MAOA: variants seen among roughly 807,000 people sequenced by gnomAD.
MAOA encodes the protein amine oxidase [flavin-containing] A.
MAOA carries 6 observed loss-of-function variants against 42.0 expected under a neutral mutation model. The ratio of observed to expected loss-of-function variants is 0.14; its 90% CI spans 0.08 to 0.28. The LOEUF (loss-of-function observed/expected upper bound fraction) is 0.28, where lower values mean the gene tolerates loss of function less well. MAOA is among the 10% of genes least tolerant of loss of function. MAOA has a pLI of 1.00. For missense variants in MAOA, 262 were observed against 422.3 expected, an observed-to-expected ratio of 0.62 and a Z score of 3.33; for synonymous variants, 140 against 154.0, an observed-to-expected ratio of 0.91 and a Z score of 0.67.
chrX:43,679,621 C>T (rs928507604), intron 1 of MAOA, among the ~76,000 whole-genome samples: 3 of 111,086 alleles, frequency 2.7e-5, no homozygotes, highest in Non-Finnish European at 5.7e-5. Context: ...CGCTCCATCC[C>T]CTTAGGCAGT....
chrX:43,723,249 G>T (rs977157440), intron 5 of MAOA, among the ~76,000 whole-genome samples: 2 of 111,395 alleles, frequency 1.8e-5, no homozygotes, highest in Admixed American at 1.9e-4. Context: ...GCTTGATGGG[G>T]ATAGCACTGA....
rs184075318 is a variant in MAOA, at chrX:43,715,272, T to C, written c.503+2476T>C. 3.9e-3 allele frequency among the ~76,000 whole-genome samples: 430 copies of C among 109,091 alleles called. 2 individuals carry two copies. Among genetic ancestry groups the C allele is most frequent in the African/African-American group, 0.014 (412 of 29,879 alleles). The allele number at this position is 109,091 out of a possible 115,157, so 94.7% of individuals were successfully genotyped here. On this transcript the variant is annotated intron_variant, in intron 5 of 14. Transcript: ENST00000338702. The stretch of plus-strand genomic sequence containing the variant: ...AGGAAGGGTGGATGGTGAGGGGTCA[T>C]GGTTTCTTCCAAGAATGACTCATAG...
chrX:43,692,199 C>T (rs943378920), intron 2 of MAOA, among the ~76,000 whole-genome samples: 2 of 110,742 alleles, frequency 1.8e-5, no homozygotes, highest in Non-Finnish European at 3.8e-5. Context: ...GTGCTTTGGA[C>T]CTAGTGCAAA....
At chrX:43,679,744 A>G (rs2033428325) in intron 1 of MAOA, among the ~76,000 whole-genome samples, 2 of 111,755 alleles carry the variant, frequency 1.8e-5, no homozygotes, top group African/African-American at 6.5e-5. Context: ...ATGAAAGGGA[A>G]TGAGAAGAGA....
intron 1 of MAOA, among the ~76,000 whole-genome samples, chrX:43,668,666 A>G (rs1318219315): frequency 1.8e-5 from 2 of 112,146 alleles, no homozygotes; most frequent in East Asian, 5.6e-4. Flanking sequence ...GGCTATTTCT[A>G]GACCATATGC....
chrX:43,656,269 GA>G, upstream of MAOA: 2 of 995,850 alleles, frequency 2.0e-6, no homozygotes, highest in Admixed American at 4.5e-5. Flanking sequence ...CGGGGGAGTT[GA>G]TAGAAGGGTC....
intron 3 of MAOA, among the ~76,000 whole-genome samples, chrX:43,705,427 A>C (rs935284025): frequency 4.5e-5 from 5 of 112,180 alleles, no homozygotes; most frequent in Non-Finnish European, 9.4e-5. Flanking sequence ...CCACATGCAA[A>C]AGAATGAAGC....
intron 2 of MAOA, among the ~76,000 whole-genome samples, chrX:43,688,728 C>T (rs753921475): frequency 6.3e-4 from 70 of 111,786 alleles, no homozygotes; most frequent in Admixed American, 1.0e-3. Context: ...TAACTGTGCT[C>T]CTTCTTTTTT....
At chrX:43,682,580 A>T (rs1053332070) in intron 1 of MAOA, among the ~76,000 whole-genome samples, 1 of 112,173 alleles carries the variant, frequency 8.9e-6, no homozygotes, top group African/African-American at 3.2e-5. Context: ...TGAAAAAGTC[A>T]GTAAGTGAGG....
chrX:43,722,477 A>T (rs1204982075), intron 5 of MAOA, among the ~76,000 whole-genome samples: 1 of 112,341 alleles, frequency 8.9e-6, no homozygotes, highest in Non-Finnish European at 1.9e-5. Flanking sequence ...TTTTGGCTGC[A>T]TAAATGTCTT....
intron 1 of MAOA, among the ~76,000 whole-genome samples, chrX:43,674,816 G>A (rs1430071785): frequency 2.2e-3 from 240 of 108,357 alleles, no homozygotes; most frequent in African/African-American, 7.8e-3. Flanking sequence ...CGAGAGATCC[G>A]CTGTTAGTCT....
chrX:43,741,716 T>G (rs2033961462), intron 11 of MAOA, among the ~76,000 whole-genome samples: 1 of 112,002 alleles, frequency 8.9e-6, no homozygotes, highest in Non-Finnish European at 1.9e-5. Context: ...ACTGGAATAC[T>G]TCATGTCTTC....
chrX:43,745,380 A>G lies in MAOA; in HGVS notation c.*867A>G, dbSNP rs776273827. 7 of 111,866 alleles carry G rather than the reference A, an allele frequency of 6.3e-5. No individual in the cohort carries two copies. The Middle Eastern group carries it at 0.014, about 221-fold the overall frequency. The allele number at this position is 111,866 out of a possible 1,213,427, so 9.2% of individuals were successfully genotyped here. A position where few individuals can be genotyped will look rare whatever the true frequency, so the allele number is the denominator to read the frequency against. On this transcript the variant is annotated 3_prime_UTR_variant, in exon 15 of 15. Transcript: ENST00000338702. Reference sequence around the variant, plus strand: ...CCCCCTGGAAGGCAGCTAGACACCAATGGATCCTTGTCAGTTGTAACATTC... The same window carrying G: ...CCCCCTGGAAGGCAGCTAGACACCAGTGGATCCTTGTCAGTTGTAACATTC...
intron 9 of MAOA, among the ~76,000 whole-genome samples, chrX:43,733,013 T>C (rs1419285232): frequency 8.9e-6 from 1 of 112,421 alleles, no homozygotes; most frequent in Non-Finnish European, 1.9e-5. Flanking sequence ...TTTGAACTTG[T>C]ACCCATGTAT....
intron 1 of MAOA, among the ~76,000 whole-genome samples, chrX:43,680,766 AC>A (rs1206025741): frequency 9.0e-6 from 1 of 111,532 alleles, no homozygotes. Context: ...TAACTAGCAT[AC>A]TTTTATACAG....
At chrX:43,659,881 A>G (rs774913719) in intron 1 of MAOA, among the ~76,000 whole-genome samples, 185 of 110,831 alleles carry the variant, frequency 1.7e-3, no homozygotes, top group Middle Eastern at 4.6e-3. Context: ...TCCTTTCTCT[A>G]TGATGACCTC....
At chrX:43,736,330 GT>G in intron 10 of MAOA, 50 bp downstream of exon 10, 2 of 846,010 alleles carry the variant, frequency 2.4e-6, no homozygotes, top group Non-Finnish European at 3.4e-6. Context: ...TTTGTATTTT[GT>G]TTTTGCACTG....
At chrX:43,679,315 T>C (rs2033424811) in intron 1 of MAOA, among the ~76,000 whole-genome samples, 1 of 109,644 alleles carries the variant, frequency 9.1e-6, no homozygotes, top group Non-Finnish European at 1.9e-5. Context: ...GAGTAGTGTT[T>C]ATTTATTATT....
upstream of MAOA, chrX:43,656,238 C>T: frequency 2.8e-6 from 2 of 704,893 alleles, no homozygotes; most frequent in Non-Finnish European, 4.4e-6. Context: ...AAAGAAGGAT[C>T]GGCTCCGCCC....
Sources: gnomAD v4.1 joint callset for allele counts (sites outside exome capture counted in the v4.1 genomes callset) on GRCh38, gnomAD v4.1.1 for gene constraint, MANE v1.5 for transcripts, NCBI Gene and HGNC (gene_info 2026-07-23, HGNC 2026-07-21) for gene names.